Variants in MXD1 observed in about 807,000 individuals in gnomAD.
MXD1 encodes the protein MAX-binding protein.
Under a neutral mutation model 25.7 loss-of-function variants are expected in MXD1, and 9 were observed. The ratio of observed to expected loss-of-function variants is 0.35; its 90% CI spans 0.21 to 0.61. MXD1 has a LOEUF of 0.61. MXD1 is among the 20% of genes least tolerant of loss of function. The pLI is 0.75. For synonymous variants in MXD1, 99 were observed against 113.9 expected, an observed-to-expected ratio of 0.87 and a Z score of 0.83; for missense variants, 227 against 292.4, an observed-to-expected ratio of 0.78 and a Z score of 1.63.
intron 3 of MXD1, among the ~76,000 whole-genome samples, chr2:69,927,516 C>T (rs1397588235): frequency 6.6e-6 from 1 of 152,188 alleles, no homozygotes; most frequent in African/African-American, 2.4e-5. Flanking sequence ...CTGCCTTTGG[C>T]AAGACTTGGA....
rs141420703 is a variant in MXD1 at position 69,925,069 on chromosome 2, C to T, written c.203+3304C>T. Among the ~76,000 whole-genome samples, 801 of 152,230 alleles carry T rather than the reference C, an allele frequency of 5.3e-3. 2 individuals are homozygous for T. The highest frequency in any genetic ancestry group is 8.2e-3 in the Admixed American group (126 of 15,286). ...GAATAGGTGTTGAGCACCTAAGATG[C>T]CGTGTAGTAGGTGCTGGGACTACAG... On this transcript the variant is annotated intron_variant, in intron 3 of 5. Coordinates refer to ENST00000264444, the MANE Select transcript of MXD1 (RefSeq NM_002357.4).
chr2:69,939,736 CAG>C lies in MXD1; in HGVS notation c.*1455_*1456del, dbSNP rs1677551299. ...ATTTGTAAAATCTGTGATGCTGAAG[CAG>C]AGTGTGTCACAAAGTGATGAGAACA... is the stretch of plus-strand genomic sequence containing the variant. On this transcript the variant is annotated 3_prime_UTR_variant, in exon 6 of 6. Transcript: ENST00000264444. 1 of 152,438 alleles carries C rather than the reference CAG, an allele frequency of 6.6e-6. No homozygotes were observed. Among genetic ancestry groups the C allele is most frequent in the Non-Finnish European group, 1.5e-5 (1 of 68,038 alleles). The allele number at this position is 152,438 out of a possible 1,614,324, so 9.4% of individuals were successfully genotyped here.
At chr2:69,930,989 T>C (rs1677268444) in intron 3 of MXD1, among the ~76,000 whole-genome samples, 2 of 152,242 alleles carry the variant, frequency 1.3e-5, no homozygotes, top group Non-Finnish European at 2.9e-5. Context: ...AGGGAGTAAG[T>C]GGCAGAGCCA....
intron 2 of MXD1, among the ~76,000 whole-genome samples, chr2:69,919,306 T>A (rs1677016943): frequency 6.6e-6 from 1 of 152,200 alleles, no homozygotes; most frequent in Non-Finnish European, 1.5e-5. Context: ...AAGAGGGTAA[T>A]CTCAACCAAC....
chr2:69,935,367 T>C lies in MXD1; in HGVS notation c.220T>C (p.Leu74=), dbSNP rs749325377. 6.2e-7 allele frequency: 1 copy of C among 1,613,868 alleles called. No homozygotes were observed. Among genetic ancestry groups the C allele is most frequent in the South Asian group, 1.1e-5 (1 of 91,086 alleles). The change falls in exon 4 of 6, where the codon TTG becomes CTG. Residue 74 remains leucine (L), a synonymous_variant. Coordinates refer to ENST00000264444, the MANE Select transcript of MXD1 (RefSeq NM_002357.4). The part of the protein sequence containing the change: ...MEKNRRAHLR[L]CLEKLKGLVP... ...TTTTCATAGACGGGCTCATCTTCGC[T>C]TGTGCCTGGAGAAGTTGAAGGGGCT...
intron 4 of MXD1, chr2:69,936,872 T>C: frequency 2.3e-6 from 1 of 427,566 alleles, no homozygotes; most frequent in Admixed American, 2.8e-5. Flanking sequence ...AGTGCAGTTT[T>C]CTAGTCCGGA....
chr2:69,917,248 C>T lies in MXD1; in HGVS notation c.173+1028C>T, dbSNP rs114320943. On this transcript the variant is annotated intron_variant, in intron 2 of 5. Coordinates refer to ENST00000264444, the MANE Select transcript of MXD1 (RefSeq NM_002357.4). The stretch of plus-strand genomic sequence containing the variant: ...TGTACTTGGTTTACCTCTTTAGTAT[C>T]GTTAGTGGAACCACAGGATGTGAGC... Among the ~76,000 whole-genome samples the T allele has an allele frequency of 1.3e-3, 205 of 152,268 alleles. 1 individual carries two copies. Among genetic ancestry groups the T allele is most frequent in the African/African-American group, 4.8e-3 (201 of 41,528 alleles).
rs373391291 is a variant in MXD1, at chr2:69,931,240, C to T, written c.204-4111C>T. Among the ~76,000 whole-genome samples the T allele has an allele frequency of 3.3e-4, 50 of 152,020 alleles. No homozygotes were observed. The South Asian group carries it at 0.01, about 31-fold the overall frequency. On this transcript the variant is annotated intron_variant, in intron 3 of 5. Transcript: ENST00000264444. ...ATACAATTATTTTGACTATAGTTAC[C>T]CTGTTGTGCTATCAAATACTAGGTG...
At chr2:69,916,653 C>A (rs967516271) in intron 2 of MXD1, among the ~76,000 whole-genome samples, 2 of 152,092 alleles carry the variant, frequency 1.3e-5, no homozygotes, top group African/African-American at 4.8e-5. Context: ...CCTGACTTGG[C>A]ATAAGTGATA....
At position 69,915,218 on chromosome 2, in the gene MXD1, G is replaced by A; in HGVS notation, c.-113G>A. 1 of 966,838 alleles carries A rather than the reference G, an allele frequency of 1.0e-6. No homozygotes were observed. Among genetic ancestry groups the A allele is most frequent in the Non-Finnish European group, 1.4e-6 (1 of 726,842 alleles). The allele number at this position is 966,838 out of a possible 1,614,324, so 59.9% of individuals were successfully genotyped here. A position where few individuals can be genotyped will look rare whatever the true frequency, so the allele number is the denominator to read the frequency against. On this transcript the variant is annotated 5_prime_UTR_variant, in exon 1 of 6. Coordinates refer to ENST00000264444, the MANE Select transcript of MXD1 (RefSeq NM_002357.4). This position sits in a 1 kb window ranked among gnomAD's most constrained non-coding sequence, Gnocchi z 5.8. ...GGCTCCCTCAGCCCTGCTCCGCGGG[G>A]TCCACAGCGGGCTCCACAGCGGGCT...
At position 69,940,652 on chromosome 2, in the gene MXD1, G is replaced by A. The variant is rs1263473606; in HGVS notation, c.*2368G>A. 1.3e-5 allele frequency: 2 copies of A among 152,568 alleles called. No individual in the cohort carries two copies. Among genetic ancestry groups the A allele is most frequent in the Non-Finnish European group, 2.9e-5 (2 of 68,020 alleles). The allele number at this position is 152,568 out of a possible 1,614,324, so 9.5% of individuals were successfully genotyped here. The stretch of plus-strand genomic sequence containing the variant: ...ACAGTAATTATTTGACCTTTGCACT[G>A]TTTGTCTGGTCCTTTTCAGTTTGAT... On this transcript the variant is annotated 3_prime_UTR_variant, in exon 6 of 6. Transcript: ENST00000264444.
At chr2:69,918,718 T>C (rs1409512906) in intron 2 of MXD1, among the ~76,000 whole-genome samples, 1 of 151,608 alleles carries the variant, frequency 6.6e-6, no homozygotes, top group African/African-American at 2.4e-5. Flanking sequence ...TTTGGCTTAG[T>C]TTTTTTTTAT....
chr2:69,922,620 C>G (rs1204295145), intron 3 of MXD1, among the ~76,000 whole-genome samples: 1 of 152,212 alleles, frequency 6.6e-6, no homozygotes. Flanking sequence ...TGGCTCATAC[C>G]TGTAATCCCA....
rs1677511212 is a variant in MXD1 at position 69,938,404 on chromosome 2, A to G, written c.*120A>G. 9.8e-7 allele frequency: 1 copy of G among 1,019,594 alleles called. No individual in the cohort carries two copies. The highest frequency in any genetic ancestry group is 1.6e-5 in the South Asian group (1 of 62,336). The allele number at this position is 1,019,594 out of a possible 1,614,324, so 63.2% of individuals were successfully genotyped here. On this transcript the variant is annotated 3_prime_UTR_variant, in exon 6 of 6. Coordinates refer to ENST00000264444, the MANE Select transcript of MXD1 (RefSeq NM_002357.4). ...ACTTCAGTGTCCCACCTTGACCAAAATCAGCTTTGTAACTGTTTTCAAGGA... is the reference window on the plus strand; with the variant it reads ...ACTTCAGTGTCCCACCTTGACCAAAGTCAGCTTTGTAACTGTTTTCAAGGA...
Position 69,916,111 on chromosome 2 carries a change from T to C in MXD1, c.74-10T>C, listed in dbSNP as rs1573397726. 1 of 1,558,052 alleles carries C rather than the reference T, an allele frequency of 6.4e-7. No individual in the cohort carries two copies. Among genetic ancestry groups the C allele is most frequent in the Non-Finnish European group, 8.9e-7 (1 of 1,129,042 alleles). ...GGCCCATTCATTAACTGGATCCTCC[T>C]GTTTTCTAGAAGCTGAACATGGTTA... On this transcript the variant is annotated splice_polypyrimidine_tract_variant and intron_variant, in intron 1 of 5. Coordinates refer to ENST00000264444, the MANE Select transcript of MXD1 (RefSeq NM_002357.4).
In MXD1 at chr2:69,938,498, T is replaced by C. The variant is rs1406328672; in HGVS notation, c.*214T>C. Reference sequence around the variant, plus strand: ...CTTTTTCTCGCCATAAAAATTTGTCTCTGAGAGACTATACATTCCAATCAA... The same window carrying C: ...CTTTTTCTCGCCATAAAAATTTGTCCCTGAGAGACTATACATTCCAATCAA... On this transcript the variant is annotated 3_prime_UTR_variant, in exon 6 of 6. Coordinates refer to ENST00000264444, the MANE Select transcript of MXD1 (RefSeq NM_002357.4). 1.8e-6 allele frequency: 1 copy of C among 547,788 alleles called. No individual in the cohort carries two copies. Among genetic ancestry groups the C allele is most frequent in the Non-Finnish European group, 3.3e-6 (1 of 306,802 alleles). 33.9% of individuals were successfully genotyped at this position (547,788 alleles called of 1,614,324 possible).
chr2:69,919,983 A>AGTTTTGTTTT (rs71993271), intron 2 of MXD1, among the ~76,000 whole-genome samples: 25 of 150,614 alleles, frequency 1.7e-4, no homozygotes, highest in South Asian at 6.4e-4. Flanking sequence ...ACCATTTTAA[A>AGTTTTGTTTT]GTTTTGTTTT....
intron 2 of MXD1, among the ~76,000 whole-genome samples, chr2:69,917,477 G>A (rs1054159591): frequency 2.0e-5 from 3 of 152,104 alleles, no homozygotes; most frequent in African/African-American, 7.2e-5. Flanking sequence ...ATTAAGCTGT[G>A]TTGCATTTTG....
rs1466407176 is a variant in MXD1, at chr2:69,941,151, CTAAA to C, written c.*2868_*2871del. The stretch of plus-strand genomic sequence containing the variant: ...TTATGTGAAAGTTGATTTTAAAAAA[CTAAA>C]AAAATCTAAACTGCACTCTTATTGA... On this transcript the variant is annotated 3_prime_UTR_variant, in exon 6 of 6. Coordinates refer to ENST00000264444, the MANE Select transcript of MXD1 (RefSeq NM_002357.4). 1.3e-5 allele frequency: 2 copies of C among 152,078 alleles called. No individual in the cohort carries two copies. Among genetic ancestry groups the C allele is most frequent in the Non-Finnish European group, 2.9e-5 (2 of 68,022 alleles). The allele number at this position is 152,078 out of a possible 1,614,324, so 9.4% of individuals were successfully genotyped here. A position where few individuals can be genotyped will look rare whatever the true frequency, so the allele number is the denominator to read the frequency against.
Sources: allele counts gnomAD v4.1 joint callset (sites outside exome capture counted in the v4.1 genomes callset), GRCh38; gene constraint gnomAD v4.1.1; non-coding constraint Gnocchi (gnomAD v3.1); transcripts MANE v1.5; gene names NCBI Gene and HGNC (gene_info 2026-07-23, HGNC 2026-07-21).